GRIK1: variants seen among roughly 807,000 people sequenced by gnomAD.
GRIK1 encodes glutamate receptor ionotropic, kainate 1.
In GRIK1, 69 loss-of-function variants were observed where a neutral mutation model predicts 105.7. The observed-to-expected ratio is 0.65, with a 90% CI of 0.54 to 0.80. The LOEUF is 0.80. Among genes scored for constraint, GRIK1 ranks in the 30% least tolerant of loss-of-function variants. The pLI is 0.00. For missense variants in GRIK1, 1,109 were observed against 1,167.3 expected, an observed-to-expected ratio of 0.95 and a Z score of 0.73; for synonymous variants, 438 against 431.3, an observed-to-expected ratio of 1.02 and a Z score of -0.19.
intron 1 of GRIK1, among the ~76,000 whole-genome samples, chr21:29,842,204 T>C (rs73343715): frequency 0.025 from 3,739 of 152,270 alleles, 169 homozygotes; most frequent in African/African-American, 0.086. Context: ...TTCAAAAGAT[T>C]ATGTATTTTT....
At chr21:29,677,375 G>A (rs1806920299) in intron 3 of GRIK1, among the ~76,000 whole-genome samples, 1 of 152,102 alleles carries the variant, frequency 6.6e-6, no homozygotes, top group Non-Finnish European at 1.5e-5. Context: ...TTGAATAAAC[G>A]CTTTACAGAA....
intron 6 of GRIK1, among the ~76,000 whole-genome samples, chr21:29,650,823 A>T (rs1432434584): frequency 6.6e-6 from 1 of 152,192 alleles, no homozygotes; most frequent in Admixed American, 6.5e-5. Context: ...CCACAGCCAC[A>T]TTCCTAGAAT....
chr21:29,646,695 C>G (rs1035564352), intron 6 of GRIK1, among the ~76,000 whole-genome samples: 2 of 152,062 alleles, frequency 1.3e-5, no homozygotes, highest in East Asian at 1.9e-4. Flanking sequence ...GAAGAGAGAC[C>G]TAATATTCAG....
chr21:29,787,414 C>T (rs2066286943), intron 1 of GRIK1, among the ~76,000 whole-genome samples: 1 of 152,044 alleles, frequency 6.6e-6, no homozygotes, highest in East Asian at 1.9e-4. Context: ...CAGGCACCAC[C>T]CAAAATGGTA....
chr21:29,569,116 G>C (rs1433157249), intron 14 of GRIK1, among the ~76,000 whole-genome samples: 2 of 152,146 alleles, frequency 1.3e-5, no homozygotes, highest in African/African-American at 4.8e-5. Context: ...GGACTTTTCT[G>C]TCCTTTAGCA....
chr21:29,869,785 A>G (rs1401152991), intron 1 of GRIK1, among the ~76,000 whole-genome samples: 2 of 152,216 alleles, frequency 1.3e-5, no homozygotes, highest in Non-Finnish European at 2.9e-5. Context: ...ATAAACAAAC[A>G]TTAAAAAATC....
chr21:29,757,100 A>G (rs1601614205), intron 1 of GRIK1, among the ~76,000 whole-genome samples: 1 of 152,164 alleles, frequency 6.6e-6, no homozygotes, highest in African/African-American at 2.4e-5. Context: ...CTGGGCAACA[A>G]GATTGAGACT....
chr21:29,920,552 C>G (rs1214817648), intron 1 of GRIK1, among the ~76,000 whole-genome samples: 4 of 152,080 alleles, frequency 2.6e-5, no homozygotes, highest in African/African-American at 9.7e-5. Flanking sequence ...CCATGACCCT[C>G]TCATTAATAA....
At chr21:29,660,581 C>T (rs957380277) in intron 4 of GRIK1, among the ~76,000 whole-genome samples, 1 of 152,200 alleles carries the variant, frequency 6.6e-6, no homozygotes. Context: ...AATTGGTCTG[C>T]TGCTACTATT....
chr21:29,890,813 A>G (rs1210209928), intron 1 of GRIK1, among the ~76,000 whole-genome samples: 1 of 152,174 alleles, frequency 6.6e-6, no homozygotes, highest in East Asian at 1.9e-4. Flanking sequence ...GACTGTAAAA[A>G]GATGCCCTTG....
At chr21:29,768,351 T>A (rs1399114161) in intron 1 of GRIK1, among the ~76,000 whole-genome samples, 1 of 152,180 alleles carries the variant, frequency 6.6e-6, no homozygotes, top group Non-Finnish European at 1.5e-5. Flanking sequence ...CCAAGGCTTT[T>A]GTGCGAGTCT....
At chr21:29,784,161 C>T (rs555359838) in intron 1 of GRIK1, among the ~76,000 whole-genome samples, 3 of 152,148 alleles carry the variant, frequency 2.0e-5, no homozygotes, top group African/African-American at 7.2e-5. Flanking sequence ...CACACTATGT[C>T]AATATAAAAG....
intron 1 of GRIK1, among the ~76,000 whole-genome samples, chr21:29,731,302 A>G (rs2064619932): frequency 6.6e-6 from 1 of 152,166 alleles, no homozygotes; most frequent in Non-Finnish European, 1.5e-5. Flanking sequence ...CAGAAAATTG[A>G]CAAGCAAAAT....
intron 15 of GRIK1, among the ~76,000 whole-genome samples, chr21:29,560,384 C>CTTTCTTTTT (rs1568813853): frequency 2.0e-5 from 1 of 51,008 alleles, no homozygotes; most frequent in Non-Finnish European, 3.5e-5. Context: ...TTCCTTCCTT[C>CTTTCTTTTT]CTTCCTTCCT....
intron 1 of GRIK1, among the ~76,000 whole-genome samples, chr21:29,720,415 A>G (rs2064289789): frequency 6.6e-6 from 1 of 152,176 alleles, no homozygotes; most frequent in African/African-American, 2.4e-5. Context: ...CTTGGGGTAT[A>G]GCCCCTCTCT....
chr21:29,869,042 G>A (rs1043417203), intron 1 of GRIK1, among the ~76,000 whole-genome samples: 9 of 152,234 alleles, frequency 5.9e-5, no homozygotes, highest in Non-Finnish European at 1.3e-4. Flanking sequence ...TGTGTGGGCA[G>A]CAAGATCCCC....
intron 15 of GRIK1, among the ~76,000 whole-genome samples, chr21:29,559,645 A>G (rs2090343827): frequency 6.6e-6 from 1 of 152,244 alleles, no homozygotes; most frequent in African/African-American, 2.4e-5. Context: ...GTTAGCAGGA[A>G]GTCACATTGG....
intron 12 of GRIK1, among the ~76,000 whole-genome samples, chr21:29,584,499 A>G (rs1170615948): frequency 2.0e-5 from 3 of 152,216 alleles, no homozygotes; most frequent in Non-Finnish European, 2.9e-5. Context: ...AAACCCTGAC[A>G]TACACACTTA....
At chr21:29,798,838 T>C (rs1464281500) in intron 1 of GRIK1, among the ~76,000 whole-genome samples, 1 of 152,174 alleles carries the variant, frequency 6.6e-6, no homozygotes, top group East Asian at 1.9e-4. Flanking sequence ...AATGACACTA[T>C]ATAGTCCGAA....
Sources: allele counts gnomAD v4.1 joint callset (sites outside exome capture counted in the v4.1 genomes callset), GRCh38; gene constraint gnomAD v4.1.1; transcripts MANE v1.5; gene names NCBI Gene and HGNC (gene_info 2026-07-23, HGNC 2026-07-21).